The following SLC25A48 variants were observed in gnomAD, a reference collection of about 807,000 sequenced individuals.
SLC25A48 encodes CTC-321K16.1.
A neutral mutation model predicts 32.2 loss-of-function variants in SLC25A48; 29 were observed. That is an observed-to-expected ratio of 0.90 (90% CI 0.67 to 1.23). The LOEUF (loss-of-function observed/expected upper bound fraction) is 1.23, where lower values mean the gene tolerates loss of function less well. Ranked by LOEUF, SLC25A48 falls within the 50% of genes most tolerant of loss-of-function variation. The probability of loss-of-function intolerance (pLI) is 0.00; values close to 1 mark genes in which losing one functional copy is unlikely to be tolerated. For synonymous variants in SLC25A48, 164 were observed against 172.3 expected, an observed-to-expected ratio of 0.95 and a Z score of 0.38; for missense variants, 399 against 422.7, an observed-to-expected ratio of 0.94 and a Z score of 0.49.
At chr5:135,821,378 CAG>C (rs1757882600) in intron 4 of SLC25A48, among the ~76,000 whole-genome samples, 2 of 152,292 alleles carry the variant, frequency 1.3e-5, no homozygotes, top group South Asian at 4.2e-4. Flanking sequence ...GTGACAAGGG[CAG>C]AGACTGGTGT....
chr5:135,599,203 T>C (rs1751728887), intron 1 of SLC25A48, among the ~76,000 whole-genome samples: 1 of 152,156 alleles, frequency 6.6e-6, no homozygotes, highest in African/African-American at 2.4e-5. Flanking sequence ...CATCACACTC[T>C]TGGAGATGGA....
At chr5:135,885,281 C>T (rs1273100603) in intron 7 of SLC25A48, among the ~76,000 whole-genome samples, 5 of 152,158 alleles carry the variant, frequency 3.3e-5, no homozygotes, top group African/African-American at 9.7e-5. Flanking sequence ...GCCAGGCATA[C>T]AATGGGCATT....
intron 1 of SLC25A48, among the ~76,000 whole-genome samples, chr5:135,583,592 A>T (rs979250947): frequency 1.3e-5 from 2 of 151,710 alleles, no homozygotes; most frequent in Admixed American, 1.3e-4. Context: ...ACTGAGGCCC[A>T]GCAATGGGGT....
At chr5:135,774,939 T>C (rs979373421) in intron 3 of SLC25A48, among the ~76,000 whole-genome samples, 46 of 151,690 alleles carry the variant, frequency 3.0e-4, no homozygotes, top group African/African-American at 1.1e-3. Flanking sequence ...GGGAAGAGGA[T>C]GATACTACTC....
Position 135,874,050 on chromosome 5 carries a change from A to G in SLC25A48, c.709A>G (p.Met237Val), listed in dbSNP as rs908132486. The G allele has an allele frequency of 7.2e-6, 11 of 1,532,442 alleles. No individual in the cohort carries two copies. The highest frequency in any genetic ancestry group is 3.3e-4 in the Middle Eastern group (2 of 5,972). The allele number at this position is 1,532,442 out of a possible 1,614,324, so 94.9% of individuals were successfully genotyped here. A position where few individuals can be genotyped will look rare whatever the true frequency, so the allele number is the denominator to read the frequency against. ...GAISWGTATP[M>V]DVVKSRLQAD... The stretch of plus-strand genomic sequence containing the variant: ...AATTTCTTGGGGGACAGCGACTCCT[A>G]TGGATGTCGTGAAAAGTCGACTCCA... The change falls in exon 6 of 8, where the codon ATG (methionine) becomes GTG (valine). Residue 237 changes from methionine to valine, a missense_variant. Coordinates refer to ENST00000681962, the MANE Select transcript of SLC25A48 (RefSeq NM_001349336.2).
intron 3 of SLC25A48, among the ~76,000 whole-genome samples, chr5:135,786,916 T>C (rs1756862657): frequency 6.6e-6 from 1 of 151,778 alleles, no homozygotes; most frequent in Admixed American, 6.6e-5. Flanking sequence ...TGTGTGTACA[T>C]CCTGTGATAT....
rs908925527 is a variant in SLC25A48, at chr5:135,880,276, C to T, written c.*7+179C>T. ...CAAACAGCAGTTCAGAAATGCCCAC[C>T]AGTGACTGGTGGTGTGCTGGGTCCC... is the stretch of plus-strand genomic sequence containing the variant. On this transcript the variant is annotated intron_variant, in intron 7 of 7. Coordinates refer to ENST00000681962, the MANE Select transcript of SLC25A48 (RefSeq NM_001349336.2). 10 of 912,816 alleles carry T rather than the reference C, an allele frequency of 1.1e-5. No homozygotes were observed. The African/African-American group carries it at 1.5e-4, about 14-fold the overall frequency. The allele number at this position is 912,816 out of a possible 1,614,324, so 56.5% of individuals were successfully genotyped here. A position where few individuals can be genotyped will look rare whatever the true frequency, so the allele number is the denominator to read the frequency against.
chr5:135,583,708 C>G (rs1751287085), intron 1 of SLC25A48, among the ~76,000 whole-genome samples: 1 of 152,128 alleles, frequency 6.6e-6, no homozygotes, highest in East Asian at 1.9e-4. Flanking sequence ...CTCCAGTAAC[C>G]TGTCTGGCCC....
At chr5:135,742,898 T>G (rs1463954244) in intron 3 of SLC25A48, among the ~76,000 whole-genome samples, 2 of 144,594 alleles carry the variant, frequency 1.4e-5, no homozygotes, top group Admixed American at 1.4e-4. Flanking sequence ...TTGCGTATAG[T>G]AATGGTCTCC....
chr5:135,717,911 C>T (rs187662460), intron 3 of SLC25A48, among the ~76,000 whole-genome samples: 8 of 152,286 alleles, frequency 5.3e-5, no homozygotes, highest in East Asian at 1.9e-4. Context: ...GTCAGGTAAA[C>T]GGCGTCTCTC....
intron 3 of SLC25A48, among the ~76,000 whole-genome samples, chr5:135,812,017 G>A (rs1419952427): frequency 6.6e-6 from 1 of 152,208 alleles, no homozygotes; most frequent in Non-Finnish European, 1.5e-5. Context: ...GGGAGGCAGA[G>A]GTTGCAGTGA....
chr5:135,750,417 C>G (rs1030930324), intron 3 of SLC25A48, among the ~76,000 whole-genome samples: 1 of 152,178 alleles, frequency 6.6e-6, no homozygotes, highest in South Asian at 2.1e-4. Context: ...GGCCTTGATT[C>G]CCTCCTAGTG....
intron 3 of SLC25A48, among the ~76,000 whole-genome samples, chr5:135,768,616 G>T (rs1756311474): frequency 6.6e-6 from 1 of 151,490 alleles, no homozygotes. Flanking sequence ...TCCCAATGTC[G>T]CAGGGATTGT....
At chr5:135,600,160 G>T (rs956714951) in intron 1 of SLC25A48, among the ~76,000 whole-genome samples, 6 of 152,174 alleles carry the variant, frequency 3.9e-5, no homozygotes, top group African/African-American at 1.4e-4. Flanking sequence ...ATTAAAAGTA[G>T]GTTAAAGTAA....
At chr5:135,616,622 C>G (rs1752197753) in intron 1 of SLC25A48, among the ~76,000 whole-genome samples, 1 of 152,180 alleles carries the variant, frequency 6.6e-6, no homozygotes, top group Non-Finnish European at 1.5e-5. Context: ...TTTACAGGCT[C>G]ATAGACAGAA....
intron 3 of SLC25A48, among the ~76,000 whole-genome samples, chr5:135,695,838 C>T (rs1580792352): frequency 6.6e-6 from 1 of 152,182 alleles, no homozygotes; most frequent in South Asian, 2.1e-4. Context: ...TTCCCAGCAG[C>T]TCTGGGATGG....
intron 3 of SLC25A48, among the ~76,000 whole-genome samples, chr5:135,732,626 A>G (rs1755255966): frequency 1.3e-5 from 2 of 152,194 alleles, no homozygotes; most frequent in Non-Finnish European, 2.9e-5. Flanking sequence ...AAAGGAAATG[A>G]GAGGTTCTAA....
At chr5:135,816,703 A>G (rs1757728381) in intron 4 of SLC25A48, among the ~76,000 whole-genome samples, 1 of 152,212 alleles carries the variant, frequency 6.6e-6, no homozygotes, top group African/African-American at 2.4e-5. Context: ...AACTGGTACT[A>G]GATTTGCCCT....
intron 3 of SLC25A48, among the ~76,000 whole-genome samples, chr5:135,764,708 G>T (rs1011863913): frequency 2.0e-5 from 3 of 148,532 alleles, no homozygotes; most frequent in Admixed American, 1.3e-4. Context: ...ATAATATCTG[G>T]GGGGGAGAGT....
Sources: gnomAD v4.1 joint callset for allele counts (sites outside exome capture counted in the v4.1 genomes callset) on GRCh38, gnomAD v4.1.1 for gene constraint, MANE v1.5 for transcripts, NCBI Gene and HGNC (gene_info 2026-07-23, HGNC 2026-07-21) for gene names.